Variants in ZBED6 observed in about 807,000 individuals in gnomAD.
The protein encoded by ZBED6 is zinc finger BED-type containing 6.
ZBED6 carries 40 observed loss-of-function variants against 58.4 expected under a neutral mutation model. That is an observed-to-expected ratio of 0.68 (90% CI 0.53 to 0.89). The LOEUF (loss-of-function observed/expected upper bound fraction) is 0.89. ZBED6 is among the 40% of genes least tolerant of loss of function. The pLI, the probability that ZBED6 is intolerant of heterozygous loss-of-function variation, is 0.00. For synonymous variants in ZBED6, 439 were observed against 350.6 expected, an observed-to-expected ratio of 1.25 and a Z score of -2.82; for missense variants, 1,057 against 1,003.9, an observed-to-expected ratio of 1.05 and a Z score of -0.71.
At chr1:203,822,591 G>A (rs1273661162) in intron 3 of ZBED6, among the ~76,000 whole-genome samples, 1 of 151,952 alleles carries the variant, frequency 6.6e-6, no homozygotes, top group Non-Finnish European at 1.5e-5. Flanking sequence ...AACCCCACTT[G>A]GTCTTTGATG....
chr1:203,818,473 A>G, intron 2 of ZBED6, 97 bp from the exon 3 acceptor site: 1 of 1,531,496 alleles, frequency 6.5e-7, no homozygotes, highest in Non-Finnish European at 8.9e-7. Flanking sequence ...TTTCTTACTC[A>G]TTTGTGCTTG....
At chr1:203,824,399 GAGA>G (rs1679803560) in intron 3 of ZBED6, among the ~76,000 whole-genome samples, 1 of 152,172 alleles carries the variant, frequency 6.6e-6, no homozygotes. Flanking sequence ...TGTCAGGGAT[GAGA>G]AGGAGTCTTT....
At chr1:203,809,175 T>TG (rs1165885184) in intron 1 of ZBED6, among the ~76,000 whole-genome samples, 3 of 136,368 alleles carry the variant, frequency 2.2e-5, no homozygotes, top group East Asian at 2.1e-4. Flanking sequence ...TCTCACTGTT[T>TG]TTTTTTTTTT....
At chr1:203,835,206 G>T (rs1683895847) in intron 9 of ZBED6, among the ~76,000 whole-genome samples, 1 of 152,184 alleles carries the variant, frequency 6.6e-6, no homozygotes, top group Admixed American at 6.5e-5. Flanking sequence ...GCCCATGAAT[G>T]AAATTAATAT....
At chr1:203,813,468 G>A (rs1225027728) in intron 1 of ZBED6, among the ~76,000 whole-genome samples, 1 of 152,072 alleles carries the variant, frequency 6.6e-6, no homozygotes, top group Non-Finnish European at 1.5e-5. Flanking sequence ...TAAAGTCTGT[G>A]TCTAAAATTA....
chr1:203,802,666 GT>G (rs1558092011), exon 1 of ZBED6: 2 of 149,278 alleles, frequency 1.3e-5, no homozygotes, highest in African/African-American at 5.0e-5. Context: ...GGAAGATGGA[GT>G]TTTTTTTCAT....
At chr1:203,844,438 G>A (rs1438521087) in intron 11 of ZBED6, among the ~76,000 whole-genome samples, 1 of 152,144 alleles carries the variant, frequency 6.6e-6, no homozygotes, top group East Asian at 1.9e-4. Context: ...CAAAGTGCTG[G>A]GATTACAGGT....
chr1:203,846,382 C>T (rs558309449), intron 11 of ZBED6, among the ~76,000 whole-genome samples: 1 of 152,220 alleles, frequency 6.6e-6, no homozygotes, highest in Middle Eastern at 3.4e-3. Context: ...CAGTGGCATG[C>T]CAATTTCTGG....
At chr1:203,848,371 T>G (rs1284154947) in exon 13 of ZBED6, 1 of 1,613,424 alleles carries the variant, frequency 6.2e-7, no homozygotes, top group Non-Finnish European at 8.5e-7. Flanking sequence ...GAAATGAAGT[T>G]GATTCTCAGA....
chr1:203,844,137 G>A (rs1186590167), intron 11 of ZBED6, among the ~76,000 whole-genome samples: 4 of 151,948 alleles, frequency 2.6e-5, no homozygotes, highest in Admixed American at 2.0e-4. Context: ...GATTACAGGC[G>A]TGAGCCACTG....
At chr1:203,800,475 CA>C in exon 1 of ZBED6, 1 of 1,466,028 alleles carries the variant, frequency 6.8e-7, no homozygotes, top group South Asian at 1.4e-5. Context: ...TCTTTTTCTC[CA>C]TTTAAAATGG....
intron 1 of ZBED6, among the ~76,000 whole-genome samples, chr1:203,816,502 G>A (rs1676424650): frequency 6.6e-6 from 1 of 152,038 alleles, no homozygotes; most frequent in Non-Finnish European, 1.5e-5. Context: ...AGTGGTATGT[G>A]CCTGTAGTCC....
chr1:203,841,987 C>G (rs1305493048), intron 11 of ZBED6, among the ~76,000 whole-genome samples: 1 of 151,020 alleles, frequency 6.6e-6, no homozygotes, highest in African/African-American at 2.4e-5. Context: ...AGAGGGGCTC[C>G]TCACATCCCA....
intron 3 of ZBED6, among the ~76,000 whole-genome samples, 166 bp downstream of exon 3, chr1:203,818,855 G>C (rs1452139903): frequency 1.3e-5 from 2 of 151,744 alleles, no homozygotes; most frequent in Non-Finnish European, 2.9e-5. Context: ...AGATCATGAG[G>C]TCAGGAGATT....
intron 1 of ZBED6, among the ~76,000 whole-genome samples, chr1:203,811,311 G>A (rs543996307): frequency 6.6e-6 from 1 of 152,166 alleles, no homozygotes; most frequent in South Asian, 2.1e-4. Flanking sequence ...TCGAAACTCC[G>A]TCTCCAGATA....
intron 7 of ZBED6, 39 bp downstream of exon 7, chr1:203,830,242 C>A: frequency 6.7e-7 from 1 of 1,495,022 alleles, no homozygotes; most frequent in Non-Finnish European, 9.1e-7. Flanking sequence ...TTGTATGTTG[C>A]TAGGGAAGAA....
intron 13 of ZBED6, among the ~76,000 whole-genome samples, chr1:203,849,445 T>A (rs1345153367): frequency 6.6e-6 from 1 of 152,258 alleles, no homozygotes; most frequent in Non-Finnish European, 1.5e-5. Context: ...GTGCAGGTAT[T>A]TGATTATTTA....
rs148317664 is a variant in ZBED6 at position 203,844,197 on chromosome 1, T to G, written c.*3742-2987T>G. Among the ~76,000 whole-genome samples, 897 of 151,664 alleles carry G rather than the reference T, an allele frequency of 5.9e-3. 11 individuals carry two copies. Among genetic ancestry groups the G allele is most frequent in the African/African-American group, 0.018 (751 of 41,316 alleles). On this transcript the variant is annotated intron_variant, in intron 11 of 16. Coordinates refer to ENST00000550078, the Ensembl canonical transcript of ZBED6. Reference sequence around the variant, plus strand: ...ATTTTTGTTTGAGACAGAGTCTCACTCTCATCCAGGCTGGAGTGCAGTGGC... The same window carrying G: ...ATTTTTGTTTGAGACAGAGTCTCACGCTCATCCAGGCTGGAGTGCAGTGGC...
exon 1 of ZBED6, chr1:203,799,029 G>C: frequency 6.5e-7 from 1 of 1,536,138 alleles, no homozygotes; most frequent in Admixed American, 2.0e-5. Context: ...TGTACACTGG[G>C]TTTCTTTGGA....
Sources: gnomAD v4.1 joint callset for allele counts (sites outside exome capture counted in the v4.1 genomes callset) on GRCh38, gnomAD v4.1.1 for gene constraint, MANE v1.5 for transcripts, NCBI Gene and HGNC (gene_info 2026-07-23, HGNC 2026-07-21) for gene names.